The following NKAIN2 variants were observed in gnomAD, a reference collection of about 807,000 sequenced individuals.
NKAIN2 encodes the protein sodium/potassium transporting ATPase interacting 2.
A neutral mutation model predicts 32.6 loss-of-function variants in NKAIN2; 14 were observed. The observed-to-expected ratio is 0.43, with a 90% confidence interval of 0.28 to 0.67. NKAIN2 has a LOEUF of 0.67. NKAIN2 is among the 30% of genes least tolerant of loss of function. The pLI is 0.17. For synonymous variants in NKAIN2, 80 were observed against 87.2 expected (o/e 0.92, Z 0.46); for missense variants, 198 against 258.3 (o/e 0.77, Z 1.60).
rs1040392213 is a variant in NKAIN2 at position 124,308,563 on chromosome 6, C to T, written c.192+25421C>T. Among the ~76,000 whole-genome samples the T allele has an allele frequency of 2.0e-5, 3 of 151,518 alleles. No homozygotes were observed. The East Asian group carries it at 5.9e-4, about 30-fold the overall frequency. Reference sequence around the variant, plus strand: ...TTTTGTTTTGTTTTGTTTTTCTTAACAGTAAAGATTGAAGTAAAAGATGAA... The same window carrying T: ...TTTTGTTTTGTTTTGTTTTTCTTAATAGTAAAGATTGAAGTAAAAGATGAA... On this transcript the variant is annotated intron_variant, in intron 2 of 6. Transcript: ENST00000368417.
intron 3 of NKAIN2, among the ~76,000 whole-genome samples, chr6:124,534,358 C>A (rs1285361535): frequency 2.0e-5 from 3 of 152,162 alleles, no homozygotes; most frequent in Non-Finnish European, 4.4e-5. Flanking sequence ...GCCATGTTGG[C>A]CAGACTGGTC....
At chr6:124,182,323 A>G (rs1005671480) in intron 1 of NKAIN2, among the ~76,000 whole-genome samples, 1 of 152,244 alleles carries the variant, frequency 6.6e-6, no homozygotes, top group African/African-American at 2.4e-5. Context: ...GCCAAACAAT[A>G]TCACTAATTA....
chr6:123,921,965 TAG>T (rs1376534736), intron 1 of NKAIN2, among the ~76,000 whole-genome samples: 2 of 152,088 alleles, frequency 1.3e-5, no homozygotes, highest in Admixed American at 6.5e-5. Context: ...TGATGAACTT[TAG>T]AGAGTGATAA....
intron 3 of NKAIN2, among the ~76,000 whole-genome samples, chr6:124,570,123 T>C (rs1243103872): frequency 3.9e-5 from 6 of 152,170 alleles, no homozygotes; most frequent in African/African-American, 1.2e-4. Flanking sequence ...CATGAGAGCG[T>C]TGATTTAGGG....
At chr6:123,845,986 G>A (rs182778052) in intron 1 of NKAIN2, among the ~76,000 whole-genome samples, 1 of 152,054 alleles carries the variant, frequency 6.6e-6, no homozygotes, top group Non-Finnish European at 1.5e-5. Context: ...GGGTCTCTCT[G>A]ACTCATCCCA....
chr6:124,374,891 G>A (rs1799917031), intron 3 of NKAIN2, among the ~76,000 whole-genome samples: 1 of 152,084 alleles, frequency 6.6e-6, no homozygotes, highest in Non-Finnish European at 1.5e-5. Flanking sequence ...CTGTAGGAAA[G>A]AATTTAACAC....
chr6:124,546,103 A>C (rs546756114), intron 3 of NKAIN2, among the ~76,000 whole-genome samples: 1 of 152,312 alleles, frequency 6.6e-6, no homozygotes, highest in African/African-American at 2.4e-5. Context: ...TCGACAAAAA[A>C]TAATATATGG....
At chr6:124,058,048 T>C (rs1782743629) in intron 1 of NKAIN2, among the ~76,000 whole-genome samples, 1 of 152,056 alleles carries the variant, frequency 6.6e-6, no homozygotes, top group Non-Finnish European at 1.5e-5. Context: ...AATAGTTATA[T>C]TTCTACCTAG....
intron 3 of NKAIN2, among the ~76,000 whole-genome samples, chr6:124,425,905 T>A (rs1562176845): frequency 6.6e-6 from 1 of 152,214 alleles, no homozygotes; most frequent in Non-Finnish European, 1.5e-5. Flanking sequence ...TTAAGATTTT[T>A]ACTTGTATTA....
At chr6:124,047,765 A>G (rs1782215446) in intron 1 of NKAIN2, among the ~76,000 whole-genome samples, 1 of 152,040 alleles carries the variant, frequency 6.6e-6, no homozygotes, top group South Asian at 2.1e-4. Flanking sequence ...TTTAACAGTG[A>G]TGAAGAGAGA....
intron 1 of NKAIN2, among the ~76,000 whole-genome samples, chr6:124,247,134 G>A (rs1793450529): frequency 1.3e-5 from 2 of 152,008 alleles, no homozygotes; most frequent in Non-Finnish European, 2.9e-5. Flanking sequence ...GGCCTCATGT[G>A]ATTAGATTGT....
chr6:124,340,113 A>T (rs560405024), intron 2 of NKAIN2, among the ~76,000 whole-genome samples: 2 of 152,288 alleles, frequency 1.3e-5, no homozygotes, highest in East Asian at 3.9e-4. Flanking sequence ...ATCAATAAAT[A>T]TGACTCATAT....
chr6:124,444,437 C>G (rs1363878089), intron 3 of NKAIN2, among the ~76,000 whole-genome samples: 3 of 151,958 alleles, frequency 2.0e-5, no homozygotes, highest in Non-Finnish European at 2.9e-5. Flanking sequence ...TTTTAAATTC[C>G]TAACTGGGAT....
In NKAIN2 at chr6:124,477,494, G is replaced by C. The variant is rs533047024; in HGVS notation, c.273+122147G>C. ...GTGAGAACCAAAAACCTTTTGCAAG[G>C]CTGCATATAATCTGTCTGCCTGGAT... is the stretch of plus-strand genomic sequence containing the variant. On this transcript the variant is annotated intron_variant, in intron 3 of 6. Coordinates refer to ENST00000368417, the MANE Select transcript of NKAIN2 (RefSeq NM_001040214.3). 7.6e-4 allele frequency among the ~76,000 whole-genome samples: 115 copies of C among 152,184 alleles called. 1 individual carries two copies. The highest frequency in any genetic ancestry group is 6.8e-3 in the Middle Eastern group (2 of 294).
At chr6:124,568,253 T>C (rs1184844777) in intron 3 of NKAIN2, among the ~76,000 whole-genome samples, 4 of 152,130 alleles carry the variant, frequency 2.6e-5, no homozygotes, top group Non-Finnish European at 5.9e-5. Context: ...AAACCAATAA[T>C]TCAATCTCCC....
At chr6:123,811,841 A>T (rs181090996) in intron 1 of NKAIN2, among the ~76,000 whole-genome samples, 6 of 152,114 alleles carry the variant, frequency 3.9e-5, no homozygotes, top group African/African-American at 1.4e-4. Context: ...GTGAGGCTTT[A>T]TAAATAATTA....
chr6:124,098,840 A>G (rs1784755103), intron 1 of NKAIN2, among the ~76,000 whole-genome samples: 1 of 152,160 alleles, frequency 6.6e-6, no homozygotes, highest in Non-Finnish European at 1.5e-5. Flanking sequence ...ACTGCACTCC[A>G]GCCTGGGCAA....
intron 1 of NKAIN2, among the ~76,000 whole-genome samples, chr6:123,813,439 A>G (rs1171197872): frequency 6.6e-6 from 1 of 152,142 alleles, no homozygotes; most frequent in Non-Finnish European, 1.5e-5. Context: ...TGCGGGGATG[A>G]TATTAGGGTT....
chr6:124,195,914 C>T (rs1790291646), intron 1 of NKAIN2, among the ~76,000 whole-genome samples: 1 of 151,954 alleles, frequency 6.6e-6, no homozygotes, highest in African/African-American at 2.4e-5. Context: ...CAAATTTGCT[C>T]CTTCTAGTGT....
Sources: gnomAD v4.1 joint callset for allele counts (sites outside exome capture counted in the v4.1 genomes callset) on GRCh38, gnomAD v4.1.1 for gene constraint, MANE v1.5 for transcripts, NCBI Gene and HGNC (gene_info 2026-07-23, HGNC 2026-07-21) for gene names.